CTNND2: variants seen among roughly 807,000 people sequenced by gnomAD.
CTNND2 encodes the protein catenin delta 2, also known as catenin delta-2.
In CTNND2, 22 loss-of-function variants were observed where a neutral mutation model predicts 144.4. That is an observed-to-expected ratio of 0.15 (90% confidence interval 0.11 to 0.22). CTNND2 has a LOEUF of 0.22. CTNND2 is among the 10% of genes least tolerant of loss of function. The pLI is 1.00. For synonymous variants in CTNND2, 751 were observed against 695.6 expected (o/e 1.08, Z -1.25); for missense variants, 1,353 against 1,618.8 (o/e 0.84, Z 2.82).
chr5:11,056,635 T>C (rs1746377135), intron 16 of CTNND2, among the ~76,000 whole-genome samples: 1 of 152,200 alleles, frequency 6.6e-6, no homozygotes, highest in Non-Finnish European at 1.5e-5. Context: ...GTATTTTAAA[T>C]TCATGGGCTC....
chr5:11,136,446 A>T (rs561616468), intron 12 of CTNND2, among the ~76,000 whole-genome samples: 1 of 152,092 alleles, frequency 6.6e-6, no homozygotes, highest in African/African-American at 2.4e-5. Context: ...GGCAAGAATG[A>T]AAAAAGGAGA....
chr5:11,582,944 C>G (rs1167686787), intron 2 of CTNND2, among the ~76,000 whole-genome samples: 1 of 152,192 alleles, frequency 6.6e-6, no homozygotes, highest in East Asian at 1.9e-4. Flanking sequence ...CTATTTCATA[C>G]CTGGTTAAAT....
chr5:11,311,950 C>T (rs62652501), intron 9 of CTNND2, among the ~76,000 whole-genome samples: 71,449 of 112,618 alleles, frequency 0.63, 21,467 homozygotes, highest in Middle Eastern at 0.76. Flanking sequence ...CACACACACT[C>T]CCTATATACA....
chr5:11,303,267 G>GA (rs1485227468), intron 9 of CTNND2, among the ~76,000 whole-genome samples: 6 of 152,140 alleles, frequency 3.9e-5, no homozygotes, highest in Non-Finnish European at 7.4e-5. Flanking sequence ...TTGACCTTAG[G>GA]AAAAAGTTAA....
intron 1 of CTNND2, among the ~76,000 whole-genome samples, chr5:11,739,462 T>C (rs557884420): frequency 3.9e-5 from 6 of 152,258 alleles, no homozygotes; most frequent in Admixed American, 1.3e-4. Flanking sequence ...CAACCTGAAA[T>C]CTACCTATGA....
At chr5:11,191,193 G>T (rs1385597617) in intron 11 of CTNND2, among the ~76,000 whole-genome samples, 1 of 152,208 alleles carries the variant, frequency 6.6e-6, no homozygotes, top group African/African-American at 2.4e-5. Context: ...AATGGCAAGA[G>T]CAGCTTCAAT....
rs142703297 is a variant in CTNND2 at position 11,337,584 on chromosome 5, TATC to T, written c.1628+8785_1628+8787del. On this transcript the variant is annotated intron_variant, in intron 9 of 21. Coordinates refer to ENST00000304623, the MANE Select transcript of CTNND2 (RefSeq NM_001332.4). ...CATATCACACATACATCATATACAA[TATC>T]ATCAGTAAAATGACAGAGATTAACC... Among the ~76,000 whole-genome samples the T allele has an allele frequency of 4.9e-3, 741 of 152,308 alleles. 2 individuals carry two copies. Among genetic ancestry groups the T allele is most frequent in the African/African-American group, 0.016 (663 of 41,570 alleles).
intron 1 of CTNND2, among the ~76,000 whole-genome samples, chr5:11,878,615 T>G (rs1735741979): frequency 6.6e-6 from 1 of 152,214 alleles, no homozygotes; most frequent in Non-Finnish European, 1.5e-5. Flanking sequence ...TCCGGAATCC[T>G]GAGCTGAAGT....
chr5:11,729,263 T>C (rs1271123409), intron 2 of CTNND2, among the ~76,000 whole-genome samples: 2 of 152,136 alleles, frequency 1.3e-5, no homozygotes, highest in African/African-American at 2.4e-5. Context: ...AAAAAAACTT[T>C]TCACAGTGAT....
At chr5:11,224,081 C>T (rs1740072666) in intron 10 of CTNND2, among the ~76,000 whole-genome samples, 1 of 152,158 alleles carries the variant, frequency 6.6e-6, no homozygotes, top group Admixed American at 6.5e-5. Context: ...TATTCTGAGT[C>T]CATGATTCTG....
At chr5:11,500,135 C>T (rs902844716) in intron 3 of CTNND2, among the ~76,000 whole-genome samples, 25 of 152,170 alleles carry the variant, frequency 1.6e-4, no homozygotes, top group African/African-American at 5.5e-4. Context: ...CACTAATTCT[C>T]TGATAAGAAA....
intron 1 of CTNND2, among the ~76,000 whole-genome samples, chr5:11,771,526 GTTTT>G (rs1267833446): frequency 6.6e-6 from 1 of 151,996 alleles, no homozygotes; most frequent in African/African-American, 2.4e-5. Context: ...ATGTTAAAGG[GTTTT>G]TTTAAATGAG....
intron 1 of CTNND2, among the ~76,000 whole-genome samples, chr5:11,761,117 G>A (rs1477712278): frequency 6.6e-6 from 1 of 152,122 alleles, no homozygotes; most frequent in Non-Finnish European, 1.5e-5. Context: ...GAGTGTTGAA[G>A]GGCTCTTTTG....
chr5:11,591,904 T>C (rs1001549892), intron 2 of CTNND2, among the ~76,000 whole-genome samples: 1 of 152,048 alleles, frequency 6.6e-6, no homozygotes, highest in African/African-American at 2.4e-5. Context: ...TGGTAACAGA[T>C]TGGGGAGGGG....
At chr5:10,994,586 G>C (rs1027314687) in intron 18 of CTNND2, among the ~76,000 whole-genome samples, 3 of 152,092 alleles carry the variant, frequency 2.0e-5, no homozygotes, top group Non-Finnish European at 4.4e-5. Flanking sequence ...CGTTGCAGAA[G>C]GACCTGCAGA....
chr5:11,642,664 T>C (rs964415999), intron 2 of CTNND2, among the ~76,000 whole-genome samples: 4 of 152,176 alleles, frequency 2.6e-5, no homozygotes, highest in South Asian at 2.1e-4. Flanking sequence ...AAATGTGACG[T>C]TGGGGCCACA....
chr5:11,264,520 C>A (rs1482094569), intron 9 of CTNND2, among the ~76,000 whole-genome samples: 2 of 152,192 alleles, frequency 1.3e-5, no homozygotes, highest in Non-Finnish European at 2.9e-5. Context: ...AAAAATCACA[C>A]AGTGAATACA....
chr5:11,584,869 A>T (rs552600502), intron 2 of CTNND2, among the ~76,000 whole-genome samples: 9 of 152,306 alleles, frequency 5.9e-5, no homozygotes, highest in African/African-American at 1.7e-4. Flanking sequence ...TCTGTAAAAA[A>T]TCCAGGCCAC....
intron 6 of CTNND2, among the ~76,000 whole-genome samples, chr5:11,389,602 GA>G (rs1483339035): frequency 2.0e-5 from 3 of 151,980 alleles, no homozygotes; most frequent in Non-Finnish European, 4.4e-5. Context: ...AAGTATAGTA[GA>G]AAAAATATTG....
Sources: allele counts gnomAD v4.1 joint callset (sites outside exome capture counted in the v4.1 genomes callset), GRCh38; gene constraint gnomAD v4.1.1; transcripts MANE v1.5; gene names NCBI Gene and HGNC (gene_info 2026-07-23, HGNC 2026-07-21).